SLC6A11: variants seen among roughly 807,000 people sequenced by gnomAD.
SLC6A11 encodes the protein sodium- and chloride-dependent GABA transporter 3.
Under a neutral mutation model 74.8 loss-of-function variants are expected in SLC6A11, and 25 were observed. The observed-to-expected ratio is 0.33, with a 90% CI of 0.24 to 0.47. The LOEUF (loss-of-function observed/expected upper bound fraction) is 0.47, where lower values mean the gene tolerates loss of function less well. Among genes scored for constraint, SLC6A11 ranks in the 20% least tolerant of loss-of-function variants. The probability of loss-of-function intolerance (pLI) is 1.00; values close to 1 mark genes in which losing one functional copy is unlikely to be tolerated. For synonymous variants in SLC6A11, 330 were observed against 330.2 expected (o/e 1.00, Z 0.01); for missense variants, 574 against 837.0 (o/e 0.69, Z 3.88).
chr3:10,931,745 G>T (rs912179536), intron 10 of SLC6A11, among the ~76,000 whole-genome samples: 1 of 152,172 alleles, frequency 6.6e-6, no homozygotes, highest in East Asian at 1.9e-4. Context: ...GTTAGCCATG[G>T]TCCCCACCAC....
At chr3:10,827,171 A>T (rs569606543) in intron 4 of SLC6A11, among the ~76,000 whole-genome samples, 1 of 152,244 alleles carries the variant, frequency 6.6e-6, no homozygotes, top group Non-Finnish European at 1.5e-5. Flanking sequence ...TTTGAGCCAC[A>T]TAAGTTTGAG....
intron 1 of SLC6A11, 96 bp from the exon 2 acceptor site, chr3:10,819,369 C>T: frequency 8.0e-7 from 1 of 1,253,068 alleles, no homozygotes; most frequent in Non-Finnish European, 1.1e-6. Flanking sequence ...CAAAGAACAT[C>T]ATGTCTGGCC....
chr3:10,849,047 G>A (rs866541815), intron 5 of SLC6A11, among the ~76,000 whole-genome samples: 1 of 152,182 alleles, frequency 6.6e-6, no homozygotes, highest in African/African-American at 2.4e-5. Flanking sequence ...TGAGCTCACA[G>A]TAGGTGCTCA....
At chr3:10,861,648 G>T (rs2106594804) in intron 5 of SLC6A11, among the ~76,000 whole-genome samples, 1 of 152,312 alleles carries the variant, frequency 6.6e-6, no homozygotes, top group African/African-American at 2.4e-5. Flanking sequence ...AAAGATAGGA[G>T]ATGAGCAAGC....
At chr3:10,863,929 G>A (rs911825267) in intron 5 of SLC6A11, among the ~76,000 whole-genome samples, 1 of 152,066 alleles carries the variant, frequency 6.6e-6, no homozygotes. Context: ...TCTAGCTTTG[G>A]AATCATAGGT....
intron 5 of SLC6A11, among the ~76,000 whole-genome samples, chr3:10,869,345 C>T (rs560522672): frequency 2.6e-5 from 4 of 152,312 alleles, no homozygotes; most frequent in African/African-American, 4.8e-5. Context: ...AAGAGGGTGG[C>T]TTCTGTAGCG....
chr3:10,905,680 C>T (rs1173276492), intron 6 of SLC6A11, among the ~76,000 whole-genome samples: 5 of 152,184 alleles, frequency 3.3e-5, no homozygotes, highest in African/African-American at 1.2e-4. Flanking sequence ...ATTTTCACAA[C>T]CACAGGCATC....
At chr3:10,927,069 G>C (rs573361669) in intron 9 of SLC6A11, among the ~76,000 whole-genome samples, 29 of 152,232 alleles carry the variant, frequency 1.9e-4, no homozygotes, top group Non-Finnish European at 4.1e-4. Context: ...TCTGCCAGTT[G>C]AGTCACTTGG....
In SLC6A11 at chr3:10,816,361, C is replaced by T. The variant is rs1694056700; in HGVS notation, c.96C>T (p.Gly32=). 6.8e-7 allele frequency: 1 copy of T among 1,462,802 alleles called. No individual in the cohort carries two copies. The allele number at this position is 1,462,802 out of a possible 1,614,324, so 90.6% of individuals were successfully genotyped here. The change falls in exon 1 of 14, where the codon GGC becomes GGT. Residue 32 remains glycine (G), a synonymous_variant. Coordinates refer to ENST00000254488, the MANE Select transcript of SLC6A11 (RefSeq NM_014229.3). The surrounding 1 kb of genome is among the most constrained non-coding windows in gnomAD (Gnocchi z 4.2). Reference sequence around the variant, plus strand: ...CGGGTGGCGGCTGCAGCAGCGGGGGCGCGGCGCCCGCGCGCCACCCGCGCG... The same window carrying T: ...CGGGTGGCGGCTGCAGCAGCGGGGGTGCGGCGCCCGCGCGCCACCCGCGCG... ...EAPGGGCSSG[G]AAPARHPRVK...
At chr3:10,885,957 A>G (rs780947690) in intron 6 of SLC6A11, among the ~76,000 whole-genome samples, 2 of 151,986 alleles carry the variant, frequency 1.3e-5, no homozygotes, top group Non-Finnish European at 2.9e-5. Context: ...CAGCACTCCC[A>G]CTGTGGATTC....
At chr3:10,933,092 C>G in intron 10 of SLC6A11, 59 bp from the exon 11 acceptor site, 1 of 1,226,300 alleles carries the variant, frequency 8.2e-7, no homozygotes, top group Non-Finnish European at 1.2e-6. Context: ...AGATGGCTGA[C>G]CCTGCTCTCC....
intron 5 of SLC6A11, among the ~76,000 whole-genome samples, chr3:10,866,626 G>A (rs932477776): frequency 3.9e-5 from 6 of 152,190 alleles, no homozygotes; most frequent in Admixed American, 3.3e-4. Context: ...ACTTGCACTT[G>A]TACAAAAATT....
At chr3:10,817,260 T>C (rs143590581) in intron 1 of SLC6A11, among the ~76,000 whole-genome samples, 1 of 152,098 alleles carries the variant, frequency 6.6e-6, no homozygotes, top group East Asian at 1.9e-4. Flanking sequence ...GGTCTGAGAG[T>C]CACCCACGAC....
chr3:10,858,961 G>C (rs563584861), intron 5 of SLC6A11, among the ~76,000 whole-genome samples: 1 of 152,300 alleles, frequency 6.6e-6, no homozygotes, highest in East Asian at 1.9e-4. Flanking sequence ...GGCAGCCCTC[G>C]AGGGTATATG....
intron 6 of SLC6A11, among the ~76,000 whole-genome samples, chr3:10,893,673 C>T (rs1695133906): frequency 6.6e-6 from 1 of 152,100 alleles, no homozygotes; most frequent in African/African-American, 2.4e-5. Context: ...CCAGTGAGGC[C>T]TCCAGTTCCC....
intron 1 of SLC6A11, among the ~76,000 whole-genome samples, chr3:10,818,516 A>G (rs925532678): frequency 6.6e-6 from 1 of 152,230 alleles, no homozygotes; most frequent in African/African-American, 2.4e-5. Flanking sequence ...TTGCCCAGAA[A>G]AGCTAAGACC....
At chr3:10,884,549 C>T (rs1257471882) in intron 6 of SLC6A11, among the ~76,000 whole-genome samples, 1 of 152,210 alleles carries the variant, frequency 6.6e-6, no homozygotes, top group East Asian at 1.9e-4. Flanking sequence ...CAGCCAGCAG[C>T]TGAACCCAGG....
At chr3:10,929,071 C>A in intron 9 of SLC6A11, 131 bp from the exon 10 acceptor site, 1 of 887,310 alleles carries the variant, frequency 1.1e-6, no homozygotes, top group Non-Finnish European at 1.8e-6. Flanking sequence ...TATCCTCAGG[C>A]CCCTCGTCTG....
intron 10 of SLC6A11, 128 bp downstream of exon 10, chr3:10,929,467 C>T (rs957623246): frequency 1.9e-4 from 183 of 962,470 alleles, no homozygotes; most frequent in Non-Finnish European, 1.0e-4. Flanking sequence ...TATGCTTCCT[C>T]CTAGCGGGTC....
Sources: gnomAD v4.1 joint callset for allele counts (sites outside exome capture counted in the v4.1 genomes callset) on GRCh38, gnomAD v4.1.1 for gene constraint, Gnocchi (gnomAD v3.1) non-coding constraint, MANE v1.5 for transcripts, NCBI Gene and HGNC (gene_info 2026-07-23, HGNC 2026-07-21) for gene names.